The following SNCAIP variants were observed in gnomAD, a reference collection of about 807,000 sequenced individuals.
SNCAIP encodes synphilin-1.
In SNCAIP, 43 loss-of-function variants were observed where a neutral mutation model predicts 86.7. That is an observed-to-expected ratio of 0.50 (90% confidence interval 0.39 to 0.64). SNCAIP has a LOEUF of 0.64. Among genes scored for constraint, SNCAIP ranks in the 30% least tolerant of loss-of-function variants. The pLI is 0.00. For synonymous variants in SNCAIP, 417 were observed against 427.2 expected, an observed-to-expected ratio of 0.98 and a Z score of 0.29; for missense variants, 981 against 1,103.1, an observed-to-expected ratio of 0.89 and a Z score of 1.57.
chr5:122,425,451 C>G lies in SNCAIP; in HGVS notation c.1102C>G (p.His368Asp). The G allele has an allele frequency of 6.2e-7, 1 of 1,613,910 alleles. No homozygotes were observed. Among genetic ancestry groups the G allele is most frequent in the Non-Finnish European group, 8.5e-7 (1 of 1,179,770 alleles). Residue 368 changes from histidine (H) to aspartate (D), a missense_variant, in exon 5 of 11, where the codon CAC becomes GAC. Transcript: ENST00000261368. ...ACAGGGACACGCAGAGTGTCTACAG[C>G]ACCTCACTTCTTTGATGGGAGAAGA... ...ASQGHAECLQ[H>D]LTSLMGEDCL... is the part of the protein sequence containing the mutation.
chr5:122,436,441 A>T lies in SNCAIP; in HGVS notation c.1297-4188A>T, dbSNP rs76458543. ...TATTATTCAGTTTACTTATTTTACCATTAGTAATGTATAGGAGAAACTTGC... is the reference window on the plus strand; with the variant it reads ...TATTATTCAGTTTACTTATTTTACCTTTAGTAATGTATAGGAGAAACTTGC... On this transcript the variant is annotated intron_variant, in intron 6 of 10. Transcript: ENST00000261368. 2.2e-4 allele frequency: 33 copies of T among 152,264 alleles called. No homozygotes were observed. The East Asian group carries it at 5.2e-3, about 24-fold the overall frequency. The allele number at this position is 152,264 out of a possible 1,614,324, so 9.4% of individuals were successfully genotyped here. A position where few individuals can be genotyped will look rare whatever the true frequency, so the allele number is the denominator to read the frequency against.
chr5:122,425,790 T>A (rs76705930), intron 5 of SNCAIP, among the ~76,000 whole-genome samples: 34,027 of 152,202 alleles, frequency 0.22, 4,388 homozygotes, highest in South Asian at 0.32. Context: ...TTGTTATTCA[T>A]AGGGATTGCA....
chr5:122,381,139 G>T (rs1230598718), intron 1 of SNCAIP, among the ~76,000 whole-genome samples: 3 of 143,296 alleles, frequency 2.1e-5, no homozygotes, highest in Non-Finnish European at 4.6e-5. Context: ...TTGACAGTGG[G>T]GTGTTAAAGT....
chr5:122,324,088 GA>G (rs1366098762), intron 1 of SNCAIP, among the ~76,000 whole-genome samples: 2 of 151,988 alleles, frequency 1.3e-5, no homozygotes, highest in Non-Finnish European at 2.9e-5. Flanking sequence ...ACAGGACTAA[GA>G]AAAAACCCAC....
At chr5:122,363,664 G>A (rs1462172168) in intron 1 of SNCAIP, among the ~76,000 whole-genome samples, 3 of 144,622 alleles carry the variant, frequency 2.1e-5, no homozygotes, top group African/African-American at 5.1e-5. Flanking sequence ...CTAGAACAGT[G>A]CTAGACACTG....
chr5:122,358,589 G>A (rs1257627449), intron 1 of SNCAIP, among the ~76,000 whole-genome samples: 2 of 151,856 alleles, frequency 1.3e-5, no homozygotes, highest in Non-Finnish European at 2.9e-5. Context: ...TATCCACTGT[G>A]TATGCACAAG....
intron 8 of SNCAIP, among the ~76,000 whole-genome samples, chr5:122,445,231 A>G (rs1488431713): frequency 6.6e-6 from 1 of 152,250 alleles, no homozygotes; most frequent in African/African-American, 2.4e-5. Flanking sequence ...ATAAAAATTA[A>G]TCAGATGATT....
intron 1 of SNCAIP, among the ~76,000 whole-genome samples, chr5:122,348,537 G>C (rs2152738288): frequency 6.6e-6 from 1 of 152,100 alleles, no homozygotes; most frequent in East Asian, 1.9e-4. Flanking sequence ...CTGATTATAA[G>C]ATGCTTATAA....
rs752889449 is a variant in SNCAIP at position 122,423,644 on chromosome 5, C to G, written c.907C>G (p.Arg303Gly). 6.2e-7 allele frequency: 1 copy of G among 1,612,804 alleles called. No individual in the cohort carries two copies. Among genetic ancestry groups the G allele is most frequent in the East Asian group, 2.2e-5 (1 of 44,868 alleles). Residue 303 changes from arginine to glycine, a missense_variant, in exon 4 of 11, where the codon CGG (arginine) becomes GGG (glycine). By Grantham distance (125) the Arg-to-Gly change is moderately radical. Transcript: ENST00000261368. ...AGAAGAGCAGGTCAGTGGCCTAAAC[C>G]GGACCAGCTCCCAAGGCCCAGAAGA... ...KPEEQVSGLN[R>G]TSSQGPEERS...
At chr5:122,448,878 G>T (rs1438705310) in intron 8 of SNCAIP, among the ~76,000 whole-genome samples, 2 of 149,538 alleles carry the variant, frequency 1.3e-5, no homozygotes, top group African/African-American at 2.4e-5. Context: ...TAGCTGGGCG[G>T]AGTGGCGGGT....
In SNCAIP at chr5:122,388,850, G is replaced by C. The variant is rs147211365; in HGVS notation, c.-46-2239G>C. 1.7e-4 allele frequency: 26 copies of C among 152,308 alleles called. No individual in the cohort carries two copies. The East Asian group carries it at 4.8e-3, about 28-fold the overall frequency. 9.4% of individuals were successfully genotyped at this position (152,308 alleles called of 1,614,324 possible). A position where few individuals can be genotyped will look rare whatever the true frequency, so the allele number is the denominator to read the frequency against. On this transcript the variant is annotated intron_variant, in intron 1 of 10. Transcript: ENST00000261368. ...GACATCTTAAAGGAGATAGCATGTG[G>C]AGGCCTGCTGGGAAGTAGAGGCAAA...
chr5:122,458,051 G>A (rs1221836485), intron 10 of SNCAIP, among the ~76,000 whole-genome samples: 1 of 152,202 alleles, frequency 6.6e-6, no homozygotes, highest in Non-Finnish European at 1.5e-5. Context: ...CTTACACTGG[G>A]AAAAGGAGAA....
rs752935958 is a variant in SNCAIP at position 122,451,180 on chromosome 5, C to T, written c.2333C>T (p.Pro778Leu). Residue 778 changes from proline (P) to leucine (L), a missense_variant, in exon 10 of 11, where the codon CCT becomes CTT. Physicochemically the swap from Pro to Leu is moderately conservative, Grantham distance 98. Coordinates refer to ENST00000261368, the MANE Select transcript of SNCAIP (RefSeq NM_005460.4). ...SIPPNQPSGD[P>L]QQPSPDSTAA... ...CCTCCAAACCAGCCCTCTGGTGACC[C>T]TCAGCAGCCCAGCCCTGACAGTACT... 20 of 1,614,138 alleles carry T rather than the reference C, an allele frequency of 1.2e-5. No homozygotes were observed. The highest frequency in any genetic ancestry group is 1.6e-5 in the Non-Finnish European group (19 of 1,180,026).
chr5:122,451,931 A>G (rs902432505), intron 10 of SNCAIP: 13 of 273,124 alleles, frequency 4.8e-5, no homozygotes, highest in African/African-American at 2.9e-4. Flanking sequence ...TGAAACCACC[A>G]ATTAGCGCAA....
chr5:122,432,083 G>T lies in SNCAIP; in HGVS notation c.1296+1G>T. Reference sequence around the variant, plus strand: ...TCATTACGCAGGTTGCTATGGCCAGGTATGAAGGAGTTTTTTAAGTATCTT... The same window carrying T: ...TCATTACGCAGGTTGCTATGGCCAGTTATGAAGGAGTTTTTTAAGTATCTT... On this transcript the variant is annotated splice_donor_variant, in intron 6 of 10. Coordinates refer to ENST00000261368, the MANE Select transcript of SNCAIP (RefSeq NM_005460.4). LOFTEE classifies it high-confidence loss of function. 1 of 1,334,538 alleles carries T rather than the reference G, an allele frequency of 7.5e-7. No homozygotes were observed. The highest frequency in any genetic ancestry group is 1.1e-6 in the Non-Finnish European group (1 of 925,300). The allele number at this position is 1,334,538 out of a possible 1,614,324, so 82.7% of individuals were successfully genotyped here. A position where few individuals can be genotyped will look rare whatever the true frequency, so the allele number is the denominator to read the frequency against.
chr5:122,355,680 G>A (rs1248726852), intron 1 of SNCAIP, among the ~76,000 whole-genome samples: 1 of 152,162 alleles, frequency 6.6e-6, no homozygotes, highest in Admixed American at 6.5e-5. Flanking sequence ...CCCCTCGCAT[G>A]TTCATTGTCA....
chr5:122,358,312 C>G (rs943175917), intron 1 of SNCAIP, among the ~76,000 whole-genome samples: 1 of 149,522 alleles, frequency 6.7e-6, no homozygotes, highest in East Asian at 2.0e-4. Flanking sequence ...CCCATTAACT[C>G]GTCATTTATA....
chr5:122,374,325 A>C (rs1263994301), intron 1 of SNCAIP, among the ~76,000 whole-genome samples: 1 of 152,144 alleles, frequency 6.6e-6, no homozygotes, highest in East Asian at 1.9e-4. Context: ...GCTTTATTCC[A>C]GCTGTTCTTA....
chr5:122,370,523 C>T (rs1561599660), intron 1 of SNCAIP, among the ~76,000 whole-genome samples: 1 of 152,126 alleles, frequency 6.6e-6, no homozygotes, highest in Non-Finnish European at 1.5e-5. Flanking sequence ...ATGCTGAGCA[C>T]ACAACTGCTT....
Sources: gnomAD v4.1 joint callset for allele counts (sites outside exome capture counted in the v4.1 genomes callset) on GRCh38, gnomAD v4.1.1 for gene constraint, MANE v1.5 for transcripts, NCBI Gene and HGNC (gene_info 2026-07-23, HGNC 2026-07-21) for gene names.